The following GPN1 variants were observed in gnomAD, a reference collection of about 807,000 sequenced individuals.
GPN1 encodes the protein GPN-loop GTPase 1, also known as ATP(GTP)-binding protein.
A neutral mutation model predicts 55.9 loss-of-function variants in GPN1; 44 were observed. That is an observed-to-expected ratio of 0.79 (90% CI 0.62 to 1.01). The LOEUF is 1.01. Among genes scored for constraint, GPN1 ranks in the 50% least tolerant of loss-of-function variants. The pLI is 0.00. For synonymous variants in GPN1, 179 were observed against 162.5 expected (o/e 1.10, Z -0.77); for missense variants, 466 against 462.8 (o/e 1.01, Z -0.06).
At chr2:27,630,016 G>GA in intron 2 of GPN1, 64 bp downstream of exon 2, 2 of 924,714 alleles carry the variant, frequency 2.2e-6, no homozygotes, top group Non-Finnish European at 3.6e-6. Context: ...GGCCAGGCGT[G>GA]GTGGCTCACG....
Position 27,634,870 on chromosome 2 carries a change from A to G in GPN1, c.375A>G (p.Gly125=). 6.3e-7 allele frequency: 1 copy of G among 1,595,724 alleles called. No homozygotes were observed. The highest frequency in any genetic ancestry group is 8.6e-7 in the Non-Finnish European group (1 of 1,163,228). Residue 125 remains glycine, a synonymous_variant, in exon 6 of 14, where the codon GGA becomes GGG. Transcript: ENST00000610189. ...MSKYVLIDTP[G]QIEVFTWSAS... The stretch of plus-strand genomic sequence containing the variant: ...GATATGTGTTGATTGACACACCTGG[A>G]CAGATTGAGGTATTCACCTGGTCAG...
intron 3 of GPN1, 49 bp downstream of exon 3, chr2:27,631,115 C>G (rs1387522981): frequency 4.1e-6 from 4 of 984,752 alleles, no homozygotes; most frequent in African/African-American, 3.2e-5. Context: ...GGCTTCTTGT[C>G]TGTGTATTTT....
chr2:27,648,060 A>C (rs1674327079), intron 13 of GPN1, 117 bp downstream of exon 13: 3 of 653,088 alleles, frequency 4.6e-6, no homozygotes, highest in Non-Finnish European at 5.6e-6. Flanking sequence ...AGGATACAGC[A>C]CCAGAAAAGA....
At chr2:27,642,599 G>A (rs1184069321) in intron 12 of GPN1, 80 bp downstream of exon 12, 12 of 885,332 alleles carry the variant, frequency 1.4e-5, no homozygotes, top group East Asian at 1.1e-4. Flanking sequence ...TTTTTGAGAC[G>A]GAGTTTCACT....
upstream of GPN1, chr2:27,628,368 G>A (rs1673370475): frequency 1.3e-6 from 2 of 1,528,174 alleles, no homozygotes; most frequent in Non-Finnish European, 1.8e-6. Context: ...TGGAGGGGAG[G>A]AAGCTCCCCT....
At chr2:27,648,443 C>G (rs965468614) in intron 13 of GPN1, among the ~76,000 whole-genome samples, 5 of 152,028 alleles carry the variant, frequency 3.3e-5, no homozygotes, top group African/African-American at 1.2e-4. Flanking sequence ...TGCTTGAGCC[C>G]AGAAGTTTGA....
In GPN1 at chr2:27,631,678, C is replaced by T; in HGVS notation, c.246-156C>T. On this transcript the variant is annotated intron_variant, in intron 3 of 13. Coordinates refer to ENST00000610189, the MANE Select transcript of GPN1 (RefSeq NM_007266.4). The stretch of plus-strand genomic sequence containing the variant: ...GCCAGACCTTGATAATGACTGTTTC[C>T]CTGTGTGGTTAAGTTTGTATGGTAG... 3 of 638,156 alleles carry T rather than the reference C, an allele frequency of 4.7e-6. No homozygotes were observed. The South Asian group carries it at 5.5e-5, about 12-fold the overall frequency. The allele number at this position is 638,156 out of a possible 1,614,324, so 39.5% of individuals were successfully genotyped here.
intron 7 of GPN1, among the ~76,000 whole-genome samples, chr2:27,637,027 T>C (rs1673760182): frequency 6.6e-6 from 1 of 151,970 alleles, no homozygotes; most frequent in African/African-American, 2.4e-5. Context: ...TTGAACAATT[T>C]GGGGGTTAGA....
chr2:27,636,362 C>G (rs1673730894), intron 7 of GPN1, among the ~76,000 whole-genome samples: 2 of 152,166 alleles, frequency 1.3e-5, no homozygotes, highest in African/African-American at 4.8e-5. Flanking sequence ...TACACAAATG[C>G]CATCACCAAC....
At chr2:27,629,488 G>A in intron 1 of GPN1, 1 of 1,242,454 alleles carries the variant, frequency 8.0e-7, no homozygotes, top group South Asian at 1.3e-5. Context: ...CTAGCACACA[G>A]GTTTTGGTGA....
chr2:27,628,889 G>C (rs1673402640), upstream of GPN1: 1 of 1,470,142 alleles, frequency 6.8e-7, no homozygotes, highest in Admixed American at 2.6e-5. Context: ...ACTGTCACTA[G>C]TTGACTCATC....
At chr2:27,628,887 T>G, upstream of GPN1, 1 of 1,469,782 alleles carries the variant, frequency 6.8e-7, no homozygotes, top group South Asian at 1.4e-5. Flanking sequence ...CCACTGTCAC[T>G]AGTTGACTCA....
At chr2:27,628,648 G>A (rs1209019233), upstream of GPN1, 3 of 1,551,514 alleles carry the variant, frequency 1.9e-6, no homozygotes, top group African/African-American at 1.4e-5. Context: ...CTCGGCTACC[G>A]AATAAGCCCG....
At chr2:27,642,940 G>A (rs1674020377) in intron 12 of GPN1, among the ~76,000 whole-genome samples, 1 of 80,712 alleles carries the variant, frequency 1.2e-5, no homozygotes, top group Non-Finnish European at 2.4e-5. Flanking sequence ...AGGAAATGTG[G>A]TTTTATATAT....
chr2:27,631,111 T>C (rs780769999), intron 3 of GPN1, 45 bp downstream of exon 3: 12 of 1,006,674 alleles, frequency 1.2e-5, no homozygotes, highest in Non-Finnish European at 1.9e-5. Context: ...TCCTGGCTTC[T>C]TGTCTGTGTA....
In GPN1 at chr2:27,645,077, CCT is replaced by C. The variant is rs556153371; in HGVS notation, c.931+2559_931+2560del. Among the ~76,000 whole-genome samples, 235 of 152,222 alleles carry C rather than the reference CCT, an allele frequency of 1.5e-3. 1 individual carries two copies. Among genetic ancestry groups the C allele is most frequent in the African/African-American group, 2.6e-3 (106 of 41,540 alleles). On this transcript the variant is annotated intron_variant, in intron 12 of 13. Coordinates refer to ENST00000610189, the MANE Select transcript of GPN1 (RefSeq NM_007266.4). ...CGAACTACTGGGCTCAAGCATTCCCCCTGTCTCAGCCTCCAGAGTAGCTAGAT... is the reference window on the plus strand; with the variant it reads ...CGAACTACTGGGCTCAAGCATTCCCCGTCTCAGCCTCCAGAGTAGCTAGAT...
At chr2:27,638,318 T>C in intron 8 of GPN1, 63 bp downstream of exon 8, 1 of 903,800 alleles carries the variant, frequency 1.1e-6, no homozygotes, top group Non-Finnish European at 1.8e-6. Context: ...TTAGAAGGTT[T>C]AGGTGGGTGA....
chr2:27,639,369 T>C (rs1673853740), intron 9 of GPN1, among the ~76,000 whole-genome samples: 1 of 152,188 alleles, frequency 6.6e-6, no homozygotes, highest in African/African-American at 2.4e-5. Flanking sequence ...AGAGGTATGC[T>C]TTGAAGAAGG....
chr2:27,638,295 C>T (rs763093020), intron 8 of GPN1, 40 bp downstream of exon 8: 20 of 1,169,170 alleles, frequency 1.7e-5, no homozygotes, highest in Non-Finnish European at 2.6e-5. Flanking sequence ...CATTTTTCAT[C>T]AGAACCTTGT....
Sources: gnomAD v4.1 joint callset for allele counts (sites outside exome capture counted in the v4.1 genomes callset) on GRCh38, gnomAD v4.1.1 for gene constraint, MANE v1.5 for transcripts, NCBI Gene and HGNC (gene_info 2026-07-23, HGNC 2026-07-21) for gene names.